SLC9A6: variants seen among roughly 807,000 people sequenced by gnomAD.
SLC9A6 encodes the protein solute carrier family 9 member A6, also known as sodium/hydrogen exchanger 6.
In SLC9A6, 6 loss-of-function variants were observed where a neutral mutation model predicts 45.3. That is an observed-to-expected ratio of 0.13 (90% CI 0.07 to 0.26). The LOEUF (loss-of-function observed/expected upper bound fraction) is 0.26. SLC9A6 is among the 10% of genes least tolerant of loss of function. The pLI is 1.00. For synonymous variants in SLC9A6, 191 were observed against 187.7 expected (o/e 1.02, Z -0.14); for missense variants, 278 against 503.7 (o/e 0.55, Z 4.29).
At chrX:136,015,118 G>C (rs1187159627) in intron 10 of SLC9A6, among the ~76,000 whole-genome samples, 2 of 113,006 alleles carry the variant, frequency 1.8e-5, no homozygotes, top group African/African-American at 6.4e-5. Flanking sequence ...TTGCCAGTGA[G>C]CTAAGCATGG....
At chrX:136,029,392 T>C (rs972913369) in intron 14 of SLC9A6, 3 of 111,209 alleles carry the variant, frequency 2.7e-5, no homozygotes, top group Admixed American at 9.6e-5. Flanking sequence ...GCGAGCTCTA[T>C]GCTGGCGACA....
intron 1 of SLC9A6, chrX:135,975,405 C>T (rs1428088711): frequency 8.9e-6 from 1 of 112,279 alleles, no homozygotes; most frequent in Non-Finnish European, 1.9e-5. Flanking sequence ...CCTGACCACC[C>T]CTTTTAAATG....
At chrX:136,016,091 G>A (rs782144868) in intron 10 of SLC9A6, among the ~76,000 whole-genome samples, 8 of 111,173 alleles carry the variant, frequency 7.2e-5, no homozygotes, top group Admixed American at 9.6e-5. Context: ...TCTGTAGGAC[G>A]CTTACTCCCT....
At chrX:135,997,011 C>T (rs1556616653) in intron 3 of SLC9A6, among the ~76,000 whole-genome samples, 1 of 111,035 alleles carries the variant, frequency 9.0e-6, no homozygotes, top group Non-Finnish European at 1.9e-5. Flanking sequence ...TGTGATCCGC[C>T]CGCCTTGGCC....
At chrX:136,007,290 G>GC (rs2089672962) in intron 7 of SLC9A6, among the ~76,000 whole-genome samples, 2 of 109,364 alleles carry the variant, frequency 1.8e-5, no homozygotes, top group South Asian at 7.9e-4. Context: ...GTCATCAATG[G>GC]GGGGGGGTTC....
upstream of SLC9A6, chrX:135,974,007 G>T (rs1251583583): frequency 3.9e-6 from 3 of 777,486 alleles, no homozygotes; most frequent in African/African-American, 8.6e-5. Context: ...CCGGCAAATG[G>T]GGGCAGGGCC....
intron 3 of SLC9A6, 59 bp downstream of exon 3, chrX:135,995,044 C>A: frequency 1.3e-6 from 1 of 761,054 alleles, no homozygotes; most frequent in Non-Finnish European, 2.0e-6. Flanking sequence ...GCAAAATGAT[C>A]CAGGAGAAAA....
In SLC9A6 at chrX:136,045,507, G is replaced by A. The variant is rs1396486026; in HGVS notation, c.*783G>A. ...AGATTTGGAGGGGCTGGGGTGGGCA[G>A]AGAGCAAGAGGCGAGTAAAGAGAAT... On this transcript the variant is annotated 3_prime_UTR_variant, in exon 18 of 18. Coordinates refer to ENST00000630721, the MANE Select transcript of SLC9A6 (RefSeq NM_001379110.1). 2.7e-5 allele frequency: 3 copies of A among 112,108 alleles called. No homozygotes were observed. The East Asian group carries it at 8.4e-4, about 31-fold the overall frequency. 9.2% of individuals were successfully genotyped at this position (112,108 alleles called of 1,213,427 possible).
At chrX:135,989,925 T>C (rs2089402968) in intron 2 of SLC9A6, among the ~76,000 whole-genome samples, 1 of 111,401 alleles carries the variant, frequency 9.0e-6, no homozygotes, top group African/African-American at 3.3e-5. Flanking sequence ...TGTTTTTGTT[T>C]TGAGACGCGT....
intron 3 of SLC9A6, among the ~76,000 whole-genome samples, chrX:135,995,371 A>G (rs1171673075): frequency 9.0e-6 from 1 of 110,925 alleles, no homozygotes; most frequent in Non-Finnish European, 1.9e-5. Context: ...TCACCCAGGT[A>G]GAGTGCAGTG....
At chrX:135,998,758 A>G in intron 5 of SLC9A6, 98 bp from the exon 6 acceptor site, 1 of 688,690 alleles carries the variant, frequency 1.5e-6, no homozygotes, top group South Asian at 2.2e-5. Flanking sequence ...ATTTGGGATT[A>G]GTCACAAAGT....
chrX:135,989,040 C>G (rs782688626), intron 2 of SLC9A6, among the ~76,000 whole-genome samples: 1 of 111,316 alleles, frequency 9.0e-6, no homozygotes, highest in African/African-American at 3.3e-5. Context: ...TTCAGCATGA[C>G]TCTGGGGTCA....
chrX:136,030,408 G>T, intron 15 of SLC9A6: 2 of 404,934 alleles, frequency 4.9e-6, no homozygotes, highest in Non-Finnish European at 8.7e-6. Context: ...TCCTGCCTGG[G>T]CTTTTGTCCC....
At chrX:135,974,708 A>G (rs1156818132) in exon 1 of SLC9A6, 1 of 341,791 alleles carries the variant, frequency 2.9e-6, no homozygotes, top group Admixed American at 3.1e-5. Context: ...ACGAGGAGGC[A>G]GTGTCAGGAC....
chrX:136,031,865 A>G (rs2071327298), intron 15 of SLC9A6, among the ~76,000 whole-genome samples: 1 of 111,205 alleles, frequency 9.0e-6, no homozygotes, highest in African/African-American at 3.3e-5. Flanking sequence ...AGATACTTCT[A>G]TGATGTGAAA....
At chrX:136,002,988 CTTTT>C (rs781846085) in intron 7 of SLC9A6, among the ~76,000 whole-genome samples, 1 of 101,106 alleles carries the variant, frequency 9.9e-6, no homozygotes, top group Non-Finnish European at 2.0e-5. Flanking sequence ...TTGTAGATAA[CTTTT>C]TTTTTTTTTT....
intron 2 of SLC9A6, among the ~76,000 whole-genome samples, chrX:135,990,874 T>A (rs1029274306): frequency 1.8e-5 from 2 of 112,023 alleles, no homozygotes; most frequent in Admixed American, 1.9e-4. Context: ...TAGTAGCTTG[T>A]CTGTGATTTT....
rs1556623764 is a variant in SLC9A6 at position 136,047,255 on chromosome X, C to T, written c.*2531C>T. 8.9e-6 allele frequency: 1 copy of T among 112,281 alleles called. No homozygotes were observed. Among genetic ancestry groups the T allele is most frequent in the Admixed American group, 9.5e-5 (1 of 10,569 alleles). The allele number at this position is 112,281 out of a possible 1,213,427, so 9.3% of individuals were successfully genotyped here. ...ATGTTTTCAAATAAACAAACAGAAA[C>T]CTAACAGAACTTAACTTATGGGTTG... On this transcript the variant is annotated 3_prime_UTR_variant, in exon 18 of 18. Coordinates refer to ENST00000630721, the MANE Select transcript of SLC9A6 (RefSeq NM_001379110.1).
At chrX:136,019,386 C>T (rs1403087070) in intron 11 of SLC9A6, among the ~76,000 whole-genome samples, 1 of 111,855 alleles carries the variant, frequency 8.9e-6, no homozygotes, top group Non-Finnish European at 1.9e-5. Context: ...CCAGAATGTG[C>T]ACACGTCCCT....
Sources: allele counts gnomAD v4.1 joint callset (sites outside exome capture counted in the v4.1 genomes callset), GRCh38; gene constraint gnomAD v4.1.1; transcripts MANE v1.5; gene names NCBI Gene and HGNC (gene_info 2026-07-23, HGNC 2026-07-21).